Variants in RHOH observed in about 807,000 individuals in gnomAD.
RHOH encodes the protein ras homolog family member H, also known as rho-related GTP-binding protein RhoH.
In RHOH, 6 loss-of-function variants were observed where a neutral mutation model predicts 13.8. The observed-to-expected ratio is 0.44, with a 90% CI of 0.24 to 0.86. RHOH has a LOEUF of 0.86. Ranked by LOEUF, RHOH falls within the 40% of genes least tolerant of loss-of-function variation. The pLI, the probability that RHOH is intolerant of heterozygous loss-of-function variation, is 0.24. For missense variants in RHOH, 147 were observed against 244.5 expected (o/e 0.60, Z 2.66); for synonymous variants, 117 against 103.0 (o/e 1.14, Z -0.82).
chr4:40,227,776 T>C (rs1232211498), intron 1 of RHOH, among the ~76,000 whole-genome samples: 1 of 152,174 alleles, frequency 6.6e-6, no homozygotes, highest in Non-Finnish European at 1.5e-5. Flanking sequence ...GTAAAACTGA[T>C]GACTTACAAA....
chr4:40,204,918 T>C (rs897398456), intron 1 of RHOH, among the ~76,000 whole-genome samples: 1 of 152,236 alleles, frequency 6.6e-6, no homozygotes, highest in Non-Finnish European at 1.5e-5. Flanking sequence ...TCTCTCAAGA[T>C]GCCACTTTAA....
upstream of RHOH, among the ~76,000 whole-genome samples, chr4:40,194,576 A>G (rs1193110010): frequency 2.6e-5 from 4 of 152,000 alleles, no homozygotes; most frequent in South Asian, 2.1e-4. Flanking sequence ...GGGTGTCGCT[A>G]TGTTGCTCAG....
intron 1 of RHOH, among the ~76,000 whole-genome samples, chr4:40,215,242 A>G (rs1725735006): frequency 6.6e-6 from 1 of 152,198 alleles, no homozygotes; most frequent in African/African-American, 2.4e-5. Context: ...ATAGGAGACC[A>G]TGAGTTTTGA....
At chr4:40,195,427 CT>C (rs1723048181), upstream of RHOH, among the ~76,000 whole-genome samples, 1 of 142,714 alleles carries the variant, frequency 7.0e-6, no homozygotes, top group Admixed American at 7.4e-5. Flanking sequence ...CCCTCCCCTT[CT>C]CTTCCTTTTC....
chr4:40,205,473 G>T (rs551331095), intron 1 of RHOH, among the ~76,000 whole-genome samples: 2 of 152,320 alleles, frequency 1.3e-5, no homozygotes, highest in African/African-American at 4.8e-5. Context: ...CTGAACATCT[G>T]GTTGGGCTTT....
intron 1 of RHOH, among the ~76,000 whole-genome samples, chr4:40,203,531 T>TGTGTGTGTGTGTGAGAGAGAGAGA (rs1724281753): frequency 2.7e-5 from 4 of 150,684 alleles, no homozygotes; most frequent in Admixed American, 2.0e-4. Flanking sequence ...AGTGTGTGTG[T>TGTGTGTGTGTGTGAGAGAGAGAGA]GTGTGTGTGT....
intron 1 of RHOH, among the ~76,000 whole-genome samples, chr4:40,231,664 C>G (rs535429190): frequency 1.1e-4 from 16 of 152,332 alleles, no homozygotes; most frequent in Admixed American, 2.0e-4. Context: ...GTCAGTTCCG[C>G]CTCGTGGATG....
intron 1 of RHOH, among the ~76,000 whole-genome samples, chr4:40,199,547 G>T (rs1723691101): frequency 6.6e-6 from 1 of 152,240 alleles, no homozygotes; most frequent in South Asian, 2.1e-4. Context: ...TATGAGATGA[G>T]AGAGGTCCTC....
rs945915857 is a variant in RHOH at position 40,219,878 on chromosome 4, G to C, written c.-331+22578G>C. ...AATTGCAGCAAAGTAGTATGCTGTT[G>C]TTTGAATATAAAAATGTGTGTGTAA... On this transcript the variant is annotated intron_variant, in intron 1 of 2. Coordinates refer to ENST00000381799, the MANE Select transcript of RHOH (RefSeq NM_004310.5). Among the ~76,000 whole-genome samples, 5 of 152,096 alleles carry C rather than the reference G, an allele frequency of 3.3e-5. No homozygotes were observed. The East Asian group carries it at 9.6e-4, about 29-fold the overall frequency.
At chr4:40,193,515 A>AGGG (rs1722834724), upstream of RHOH, 1 of 46,910 alleles carries the variant, frequency 2.1e-5, no homozygotes, top group Non-Finnish European at 4.1e-5. Flanking sequence ...AGAGGAGAGG[A>AGGG]GGGGCGGGGT....
chr4:40,197,528 T>C (rs1723343868), intron 1 of RHOH, among the ~76,000 whole-genome samples: 1 of 152,192 alleles, frequency 6.6e-6, no homozygotes, highest in African/African-American at 2.4e-5. Context: ...AAAGTTACAA[T>C]AGTTGGCTTT....
chr4:40,195,412 T>TCCTTCCTTCCTTCCTC (rs1723041350), upstream of RHOH, among the ~76,000 whole-genome samples: 2 of 129,920 alleles, frequency 1.5e-5, no homozygotes, highest in African/African-American at 5.6e-5. Flanking sequence ...CTTCCTTCCT[T>TCCTTCCTTCCTTCCTC]CCTTCCCTCC....
intron 1 of RHOH, among the ~76,000 whole-genome samples, chr4:40,198,862 C>T (rs528876189): frequency 1.3e-5 from 2 of 152,292 alleles, no homozygotes; most frequent in African/African-American, 4.8e-5. Flanking sequence ...TGAGATGGCA[C>T]GGGTATGCTT....
At chr4:40,195,366 C>T (rs557773849), upstream of RHOH, among the ~76,000 whole-genome samples, 1 of 105,230 alleles carries the variant, frequency 9.5e-6, no homozygotes, top group African/African-American at 4.2e-5. Context: ...TCCTTCCTTC[C>T]TTCCTTCCTT....
intron 1 of RHOH, among the ~76,000 whole-genome samples, chr4:40,227,176 C>A (rs1000494030): frequency 3.1e-5 from 2 of 65,486 alleles, no homozygotes; most frequent in Admixed American, 1.5e-4. Context: ...AAAACAAAAA[C>A]AAAAACAAAC....
At chr4:40,194,618 C>T (rs1432926751), upstream of RHOH, among the ~76,000 whole-genome samples, 3 of 151,670 alleles carry the variant, frequency 2.0e-5, no homozygotes, top group South Asian at 2.1e-4. Flanking sequence ...TCAAACAATT[C>T]GCCTGCCTCG....
intron 1 of RHOH, among the ~76,000 whole-genome samples, chr4:40,209,229 A>C (rs1253014702): frequency 6.6e-6 from 1 of 152,168 alleles, no homozygotes; most frequent in Non-Finnish European, 1.5e-5. Context: ...CTTTAGATTT[A>C]GAGGGATTTT....
At chr4:40,206,770 A>C (rs970041083) in intron 1 of RHOH, among the ~76,000 whole-genome samples, 5 of 152,236 alleles carry the variant, frequency 3.3e-5, no homozygotes, top group African/African-American at 1.2e-4. Context: ...TAAACACAGA[A>C]TATCCGGCAA....
Position 40,223,752 on chromosome 4 carries a change from G to C in RHOH, c.-330-18962G>C, listed in dbSNP as rs577505488. Among the ~76,000 whole-genome samples, 15 of 145,962 alleles carry C rather than the reference G, an allele frequency of 1.0e-4. No individual in the cohort carries two copies. The South Asian group carries it at 3.0e-3, about 30-fold the overall frequency. ...TGTATACTTTTAGACATCATGTATA[G>C]TGTAAACATAACTTGTTTTTTTTTT... On this transcript the variant is annotated intron_variant, in intron 1 of 2. Transcript: ENST00000381799.
Sources: allele counts gnomAD v4.1 joint callset (sites outside exome capture counted in the v4.1 genomes callset), GRCh38; gene constraint gnomAD v4.1.1; transcripts MANE v1.5; gene names NCBI Gene and HGNC (gene_info 2026-07-23, HGNC 2026-07-21).